Variants in FBXL7 observed in about 807,000 individuals in gnomAD.
FBXL7 encodes F-box/LRR-repeat protein 7.
FBXL7 carries 12 observed loss-of-function variants against 38.3 expected under a neutral mutation model. That is an observed-to-expected ratio of 0.31 (90% confidence interval 0.20 to 0.51). The LOEUF (loss-of-function observed/expected upper bound fraction) is 0.51, where lower values mean the gene tolerates loss of function less well. FBXL7 is among the 20% of genes least tolerant of loss of function. The pLI, the probability that FBXL7 is intolerant of heterozygous loss-of-function variation, is 0.98. For missense variants in FBXL7, 567 were observed against 676.4 expected (o/e 0.84, Z 1.79); for synonymous variants, 297 against 300.9 (o/e 0.99, Z 0.13).
At chr5:15,510,422 C>A (rs899217613) in intron 1 of FBXL7, among the ~76,000 whole-genome samples, 4 of 152,086 alleles carry the variant, frequency 2.6e-5, no homozygotes, top group Non-Finnish European at 5.9e-5. Flanking sequence ...CCTTTTGGTT[C>A]TATTGAGTAC....
intron 2 of FBXL7, among the ~76,000 whole-genome samples, chr5:15,793,510 A>C (rs1737330881): frequency 6.6e-6 from 1 of 152,204 alleles, no homozygotes; most frequent in South Asian, 2.1e-4. Flanking sequence ...TTCCAAGATC[A>C]TCATTTTAAT....
At chr5:15,864,234 C>A (rs1739607876) in intron 2 of FBXL7, among the ~76,000 whole-genome samples, 1 of 150,540 alleles carries the variant, frequency 6.6e-6, no homozygotes, top group Non-Finnish European at 1.5e-5. Flanking sequence ...GTAAATCAAA[C>A]AAACTTTTTT....
intron 2 of FBXL7, among the ~76,000 whole-genome samples, chr5:15,926,850 G>A (rs1741888900): frequency 1.3e-5 from 2 of 150,824 alleles, no homozygotes; most frequent in East Asian, 1.9e-4. Flanking sequence ...CAACAGAAAC[G>A]GGAGCAGACA....
At chr5:15,774,339 C>T (rs568858975) in intron 2 of FBXL7, among the ~76,000 whole-genome samples, 8 of 152,132 alleles carry the variant, frequency 5.3e-5, no homozygotes, top group South Asian at 2.1e-4. Context: ...TTGATCTACA[C>T]GTTCCATTTT....
intron 2 of FBXL7, among the ~76,000 whole-genome samples, chr5:15,697,370 G>A (rs1212569653): frequency 1.3e-5 from 2 of 152,158 alleles, no homozygotes; most frequent in Admixed American, 1.3e-4. Context: ...TAGGAAGAGT[G>A]AGAGAATGAC....
rs146255204 is a variant in FBXL7 at position 15,506,937 on chromosome 5, G to A, written c.37+6224G>A. Among the ~76,000 whole-genome samples, 200 of 150,352 alleles carry A rather than the reference G, an allele frequency of 1.3e-3. No individual in the cohort carries two copies. The Middle Eastern group carries it at 0.024, about 18-fold the overall frequency. On this transcript the variant is annotated intron_variant, in intron 1 of 3. Coordinates refer to ENST00000504595, the MANE Select transcript of FBXL7 (RefSeq NM_012304.5). ...TTTTGCACAAAGTATAACATTATCC[G>A]TCTTCTGTAGTCAGCTATTAATCCA...
At chr5:15,606,109 T>TGAAGG (rs1218618732) in intron 1 of FBXL7, among the ~76,000 whole-genome samples, 2 of 152,232 alleles carry the variant, frequency 1.3e-5, no homozygotes. Flanking sequence ...GTTATTCTTA[T>TGAAGG]GAAGGTTTCA....
At chr5:15,560,920 A>G (rs1346840525) in intron 1 of FBXL7, among the ~76,000 whole-genome samples, 1 of 152,152 alleles carries the variant, frequency 6.6e-6, no homozygotes, top group African/African-American at 2.4e-5. Context: ...AAAGAATTTC[A>G]TATATATTTA....
chr5:15,692,845 G>A (rs905333916), intron 2 of FBXL7, among the ~76,000 whole-genome samples: 2 of 152,182 alleles, frequency 1.3e-5, no homozygotes, highest in Non-Finnish European at 2.9e-5. Flanking sequence ...AAGATGTGAA[G>A]AATGAGGAAG....
chr5:15,586,723 A>G (rs940514744), intron 1 of FBXL7, among the ~76,000 whole-genome samples: 19 of 152,218 alleles, frequency 1.2e-4, no homozygotes, highest in African/African-American at 4.3e-4. Flanking sequence ...CTCTCAATCT[A>G]AACTACACAT....
intron 2 of FBXL7, among the ~76,000 whole-genome samples, chr5:15,689,173 C>G (rs941885580): frequency 6.6e-5 from 10 of 152,130 alleles, no homozygotes; most frequent in Non-Finnish European, 1.5e-4. Flanking sequence ...GCATGTCACA[C>G]TGACATTGAG....
chr5:15,510,608 G>A (rs1236222747), intron 1 of FBXL7, among the ~76,000 whole-genome samples: 1 of 152,106 alleles, frequency 6.6e-6, no homozygotes, highest in African/African-American at 2.4e-5. Flanking sequence ...CAAATTCAGG[G>A]AGATTGGGAA....
chr5:15,667,772 G>C (rs946348343), intron 2 of FBXL7, among the ~76,000 whole-genome samples: 1 of 152,032 alleles, frequency 6.6e-6, no homozygotes, highest in Non-Finnish European at 1.5e-5. Flanking sequence ...CCAACATTCA[G>C]GTGATATCCA....
chr5:15,685,384 GT>G (rs1742985710), intron 2 of FBXL7, among the ~76,000 whole-genome samples: 1 of 152,194 alleles, frequency 6.6e-6, no homozygotes, highest in African/African-American at 2.4e-5. Context: ...TGGAATGGAA[GT>G]GATCTCAAGA....
At chr5:15,864,613 T>G (rs1050448233) in intron 2 of FBXL7, among the ~76,000 whole-genome samples, 7 of 152,154 alleles carry the variant, frequency 4.6e-5, no homozygotes, top group Non-Finnish European at 8.8e-5. Context: ...CTGTTAGGTC[T>G]CTCAGAGAAG....
At chr5:15,765,103 T>A (rs1561117784) in intron 2 of FBXL7, among the ~76,000 whole-genome samples, 1 of 152,210 alleles carries the variant, frequency 6.6e-6, no homozygotes, top group Non-Finnish European at 1.5e-5. Flanking sequence ...TCAAAGTTAC[T>A]GTTCTCTAAC....
At chr5:15,629,413 A>G (rs1740927914) in intron 2 of FBXL7, among the ~76,000 whole-genome samples, 3 of 152,212 alleles carry the variant, frequency 2.0e-5, no homozygotes, top group Non-Finnish European at 4.4e-5. Context: ...GATTTTATCA[A>G]TTTCTAGTAT....
At chr5:15,733,282 G>A (rs535757725) in intron 2 of FBXL7, among the ~76,000 whole-genome samples, 6 of 151,952 alleles carry the variant, frequency 3.9e-5, no homozygotes, top group Admixed American at 1.3e-4. Context: ...TAGTAGAGAC[G>A]GGGTTTCACC....
At chr5:15,858,924 G>C (rs1443095933) in intron 2 of FBXL7, among the ~76,000 whole-genome samples, 1 of 152,088 alleles carries the variant, frequency 6.6e-6, no homozygotes, top group South Asian at 2.1e-4. Context: ...ATATGGTCTG[G>C]AAACAATTCT....
Sources: allele counts gnomAD v4.1 joint callset (sites outside exome capture counted in the v4.1 genomes callset), GRCh38; gene constraint gnomAD v4.1.1; transcripts MANE v1.5; gene names NCBI Gene and HGNC (gene_info 2026-07-23, HGNC 2026-07-21).